CSMD3: variants seen among roughly 807,000 people sequenced by gnomAD.
CSMD3 encodes CUB and Sushi multiple domains 3, also known as CUB and sushi domain-containing protein 3.
CSMD3 carries 177 observed loss-of-function variants against 435.2 expected under a neutral mutation model. The ratio of observed to expected loss-of-function variants is 0.41; its 90% confidence interval spans 0.36 to 0.46. The LOEUF (loss-of-function observed/expected upper bound fraction) is 0.46, where lower values mean the gene tolerates loss of function less well. Ranked by LOEUF, CSMD3 falls within the 20% of genes least tolerant of loss-of-function variation. The pLI is 0.34. For missense variants in CSMD3, 4,265 were observed against 4,504.6 expected, an observed-to-expected ratio of 0.95 and a Z score of 1.52; for synonymous variants, 1,656 against 1,520.5, an observed-to-expected ratio of 1.09 and a Z score of -2.07.
At chr8:113,282,664 C>G (rs1336852354) in intron 2 of CSMD3, among the ~76,000 whole-genome samples, 1 of 151,940 alleles carries the variant, frequency 6.6e-6, no homozygotes, top group African/African-American at 2.4e-5. Context: ...CTGCCAAAAG[C>G]AATCTACAAA....
chr8:112,247,460 T>G (rs1324085843), intron 63 of CSMD3, among the ~76,000 whole-genome samples: 1 of 151,896 alleles, frequency 6.6e-6, no homozygotes, highest in Non-Finnish European at 1.5e-5. Context: ...GATAGAGAGA[T>G]AGATAGTTAG....
At chr8:112,752,940 T>TGTGTAC (rs986855972) in intron 13 of CSMD3, among the ~76,000 whole-genome samples, 1 of 141,556 alleles carries the variant, frequency 7.1e-6, no homozygotes, top group African/African-American at 2.6e-5. Flanking sequence ...TGTGTGTGTG[T>TGTGTAC]ACAGAGATAG....
At chr8:112,583,189 G>A (rs2131337784) in intron 23 of CSMD3, among the ~76,000 whole-genome samples, 1 of 152,118 alleles carries the variant, frequency 6.6e-6, no homozygotes, top group African/African-American at 2.4e-5. Flanking sequence ...AATATACAAA[G>A]TGTGAAAGAA....
chr8:113,076,427 C>T (rs1299104641), intron 5 of CSMD3, among the ~76,000 whole-genome samples: 2 of 151,776 alleles, frequency 1.3e-5, no homozygotes, highest in African/African-American at 2.4e-5. Context: ...TGCCATAATA[C>T]CCAGAACAGC....
At chr8:112,265,668 A>G in intron 59 of CSMD3, 78 bp from the exon 60 acceptor site, 1 of 968,354 alleles carries the variant, frequency 1.0e-6, no homozygotes, top group South Asian at 1.3e-5. Context: ...CATATGGCAT[A>G]CTTAATATAT....
intron 22 of CSMD3, among the ~76,000 whole-genome samples, chr8:112,604,005 T>C (rs1164165352): frequency 1.3e-5 from 2 of 152,220 alleles, no homozygotes; most frequent in Admixed American, 6.5e-5. Context: ...CAGATTTTAT[T>C]GAATAAATAA....
chr8:112,438,755 A>G (rs1459009841), intron 32 of CSMD3, among the ~76,000 whole-genome samples: 1 of 152,196 alleles, frequency 6.6e-6, no homozygotes, highest in Non-Finnish European at 1.5e-5. Context: ...TCAACAGGAA[A>G]GACTCATAAA....
chr8:113,317,764 C>T (rs191200340), intron 1 of CSMD3, among the ~76,000 whole-genome samples: 60 of 152,084 alleles, frequency 3.9e-4, no homozygotes, highest in African/African-American at 1.4e-3. Context: ...TCTTACTAGG[C>T]CTTTCCTAGG....
chr8:112,433,797 T>A (rs1367500914), intron 32 of CSMD3, among the ~76,000 whole-genome samples: 2 of 152,152 alleles, frequency 1.3e-5, no homozygotes, highest in Non-Finnish European at 2.9e-5. Flanking sequence ...TAATAATTAT[T>A]AACTTTTGTA....
Position 112,309,086 on chromosome 8 carries a change from T to C in CSMD3, c.7885+1892A>G, listed in dbSNP as rs138227891. On this transcript the variant is annotated intron_variant, in intron 50 of 70. Coordinates refer to ENST00000297405, the MANE Select transcript of CSMD3 (RefSeq NM_198123.2). ...TTTTATCATTTTACTTCACCAAATA[T>C]CTCATTTTTAAACTATATTTCAACT... 1.6e-3 allele frequency among the ~76,000 whole-genome samples: 243 copies of C among 152,082 alleles called. 1 individual carries two copies. Among genetic ancestry groups the C allele is most frequent in the African/African-American group, 5.5e-3 (229 of 41,556 alleles).
intron 4 of CSMD3, among the ~76,000 whole-genome samples, chr8:113,108,369 A>C (rs1334239104): frequency 6.6e-6 from 1 of 151,956 alleles, no homozygotes; most frequent in Non-Finnish European, 1.5e-5. Flanking sequence ...TGGAGGTTGC[A>C]ATGAATCGAG....
chr8:113,213,695 A>C (rs1009877107), intron 3 of CSMD3, among the ~76,000 whole-genome samples: 3 of 152,070 alleles, frequency 2.0e-5, no homozygotes, highest in East Asian at 3.9e-4. Context: ...CTTTAAAAAA[A>C]CTATTACAAT....
chr8:112,272,248 G>T (rs546420501), intron 59 of CSMD3, among the ~76,000 whole-genome samples: 7 of 152,222 alleles, frequency 4.6e-5, no homozygotes, highest in Admixed American at 2.6e-4. Flanking sequence ...AGACATTCGG[G>T]TTTTCTAAAA....
intron 3 of CSMD3, among the ~76,000 whole-genome samples, chr8:113,263,649 G>T (rs1287571670): frequency 1.3e-5 from 2 of 151,828 alleles, no homozygotes; most frequent in African/African-American, 2.4e-5. Flanking sequence ...TTAAGATTTT[G>T]ATAGCAATTT....
intron 6 of CSMD3, among the ~76,000 whole-genome samples, chr8:112,994,212 C>T (rs2131032919): frequency 6.6e-6 from 1 of 151,812 alleles, no homozygotes; most frequent in South Asian, 2.1e-4. Flanking sequence ...TGCAATTGTG[C>T]TTGTTACACT....
At chr8:113,046,921 G>A (rs996152378) in intron 5 of CSMD3, among the ~76,000 whole-genome samples, 1 of 152,218 alleles carries the variant, frequency 6.6e-6, no homozygotes, top group Non-Finnish European at 1.5e-5. Flanking sequence ...TCCTGGGAGA[G>A]CAGGCTGTGC....
intron 3 of CSMD3, among the ~76,000 whole-genome samples, chr8:113,240,638 G>C (rs754258944): frequency 2.0e-5 from 3 of 152,092 alleles, no homozygotes; most frequent in African/African-American, 7.2e-5. Flanking sequence ...CTGTAAAATT[G>C]TATGTCATAT....
At chr8:112,555,509 CT>C (rs1198880337) in intron 25 of CSMD3, among the ~76,000 whole-genome samples, 1 of 151,940 alleles carries the variant, frequency 6.6e-6, no homozygotes, top group Non-Finnish European at 1.5e-5. Context: ...CATATTCCAG[CT>C]TTTGGCAATT....
At chr8:112,989,547 A>G (rs150659989) in intron 6 of CSMD3, among the ~76,000 whole-genome samples, 6 of 151,994 alleles carry the variant, frequency 3.9e-5, no homozygotes, top group African/African-American at 1.4e-4. Flanking sequence ...AGGGATAAAC[A>G]ATTAACAAAA....
Sources: allele counts gnomAD v4.1 joint callset (sites outside exome capture counted in the v4.1 genomes callset), GRCh38; gene constraint gnomAD v4.1.1; transcripts MANE v1.5; gene names NCBI Gene and HGNC (gene_info 2026-07-23, HGNC 2026-07-21).